Variants in PLIN4 observed in about 807,000 individuals in gnomAD.
PLIN4 encodes the protein perilipin 4, also known as perilipin-4.
A neutral mutation model predicts 52.4 loss-of-function variants in PLIN4; 57 were observed. The observed-to-expected ratio is 1.09, with a 90% CI of 0.88 to 1.36. The LOEUF is 1.36. Among genes scored for constraint, PLIN4 ranks in the 40% most tolerant of loss-of-function variants. PLIN4 has a pLI of 0.00. For synonymous variants in PLIN4, 826 were observed against 785.4 expected, an observed-to-expected ratio of 1.05 and a Z score of -0.86; for missense variants, 1,757 against 1,770.3, an observed-to-expected ratio of 0.99 and a Z score of 0.13.
In PLIN4 at chr19:4,512,583, C is replaced by G; in HGVS notation, c.1377G>C (p.Lys459Asn). ...TGTCCTTGGTACCAGTTAGAACGAT[C>G]TTGGTGGTGTCCACGCCTGTCTGGA... Reference protein sequence around the residue: ...GTIQTGVDTTKIVLTGTKDTV... With the variant: ...GTIQTGVDTTNIVLTGTKDTV... Residue 459 changes from lysine (K) to asparagine (N), a missense_variant, in exon 5 of 8, where the codon AAG becomes AAC. Lys to Asn is a moderately conservative substitution (Grantham distance 94). Around this residue, in one of 7 missense-constraint regions of PLIN4, gnomAD observed 439 missense variants for 406.4 expected, o/e 1.08. Coordinates refer to ENST00000301286, the MANE Select transcript of PLIN4 (RefSeq NM_001367868.2). 3 of 1,610,446 alleles carry G rather than the reference C, an allele frequency of 1.9e-6. No homozygotes were observed. In the South Asian group the frequency reaches 3.3e-5, roughly 18 times the overall value.
At position 4,512,521 on chromosome 19, in the gene PLIN4, G is replaced by A; in HGVS notation, c.1439C>T (p.Ala480Val). ...CSGVTGAANV[A>V]KGAVQGGLDT... The stretch of plus-strand genomic sequence containing the variant: ...CAGGCCGCCCTGGACGGCCCCTTTG[G>A]CCACATTCGCAGCACCGGTGACCCC... Residue 480 changes from alanine to valine, a missense_variant, in exon 5 of 8, where the codon GCC (alanine) becomes GTC (valine). Ala to Val is a moderately conservative substitution (Grantham distance 64). This residue lies in a region of PLIN4 where 439 missense variants were observed against 406.4 expected (regional missense o/e 1.08). Coordinates refer to ENST00000301286, the MANE Select transcript of PLIN4 (RefSeq NM_001367868.2). The A allele has an allele frequency of 6.2e-7, 1 of 1,609,442 alleles. No homozygotes were observed. Among genetic ancestry groups the A allele is most frequent in the Non-Finnish European group, 8.5e-7 (1 of 1,177,396 alleles).
rs867397341 is a variant in PLIN4, at chr19:4,512,084, C to T, written c.1876G>A (p.Val626Ile). The change falls in exon 5 of 8, where the codon GTC becomes ATC. Residue 626 changes from valine to isoleucine, a missense_variant. Val to Ile is a conservative substitution (Grantham distance 29). Transcript: ENST00000301286. ...VQTGMDTTKTVLTGTKDTIYS... is the reference protein window; with the variant it reads ...VQTGMDTTKTILTGTKDTIYS... ...ATGGTGTCCTTGGTACCGGTTAGGA[C>T]AGTTTTGGTGGTGTCCATGCCTGTC... The T allele has an allele frequency of 6.2e-7, 1 of 1,610,062 alleles. No individual in the cohort carries two copies. The highest frequency in any genetic ancestry group is 8.5e-7 in the Non-Finnish European group (1 of 1,179,316).
intron 3 of PLIN4, 75 bp downstream of exon 3, chr19:4,517,479 C>T: frequency 6.6e-7 from 1 of 1,515,526 alleles, no homozygotes; most frequent in Non-Finnish European, 8.9e-7. Flanking sequence ...GGCTGGAAGT[C>T]CCTGCCCGGG....
rs78048917 is a variant in PLIN4 at position 4,516,882 on chromosome 19, G to A, written c.197-204C>T. On this transcript the variant is annotated intron_variant, in intron 3 of 7. Transcript: ENST00000301286. ...CCGCTGGGGGCTCCCCCCAAGCCCA[G>A]GGCCGCTGTTCCCTGAAGTAGGGCT... 3.7e-3 allele frequency among the ~76,000 whole-genome samples: 567 copies of A among 152,340 alleles called. 4 individuals are homozygous for A. In the Middle Eastern group the frequency reaches 0.065, roughly 17 times the overall value.
In PLIN4 at chr19:4,508,776, AG is replaced by A; in HGVS notation, c.3693del (p.Phe1232SerfsTer3). On this transcript the variant is annotated frameshift_variant, in exon 6 of 8. Transcript: ENST00000301286. LOFTEE classifies it high-confidence loss of function. ...ARDTLAQLQDCFRLIEKAQQA... is the reference protein window; with the variant it reads ...ARDTLAQLQDXFRLIEKAQQA... ...CAGGGGGAAGCTCTTACCAGCCTGA[AG>A]CAGTCCTGGAGCTGGGCCAGAGTGT... 6.3e-7 allele frequency: 1 copy of A among 1,583,306 alleles called. No individual in the cohort carries two copies. The highest frequency in any genetic ancestry group is 8.6e-7 in the Non-Finnish European group (1 of 1,165,366).
At position 4,504,298 on chromosome 19, in the gene PLIN4, G is replaced by A. The variant is rs1034454948; in HGVS notation, c.*161C>T. The A allele has an allele frequency of 4.2e-6, 3 of 719,828 alleles. No homozygotes were observed. The highest frequency in any genetic ancestry group is 1.8e-5 in the African/African-American group (1 of 56,050). 44.6% of individuals were successfully genotyped at this position (719,828 alleles called of 1,614,324 possible). ...GGCGTGGGGTGGCTCAGTTAAGAAG[G>A]TCACTGCCTCCGCAGCCCCTCGGCG... On this transcript the variant is annotated 3_prime_UTR_variant, in exon 8 of 8. Transcript: ENST00000301286.
In PLIN4 at chr19:4,513,270, C is replaced by T; in HGVS notation, c.690G>A (p.Val230=). ...ACACAGCATCTTTGGTGCCGGTCAG[C>T]ACAGCCTTGGAGGTTTCCACGCCAG... The part of the protein sequence containing the change: ...VQTGVETSKA[V]LTGTKDAVST... Residue 230 remains valine, a synonymous_variant, in exon 5 of 8, where the codon GTG becomes GTA. Coordinates refer to ENST00000301286, the MANE Select transcript of PLIN4 (RefSeq NM_001367868.2). 1 of 1,613,026 alleles carries T rather than the reference C, an allele frequency of 6.2e-7. No individual in the cohort carries two copies. Among genetic ancestry groups the T allele is most frequent in the Non-Finnish European group, 8.5e-7 (1 of 1,179,668 alleles).
intron 5 of PLIN4, among the ~76,000 whole-genome samples, 197 bp from the exon 6 acceptor site, chr19:4,509,152 A>G (rs1037827219): frequency 2.0e-5 from 3 of 151,588 alleles, no homozygotes; most frequent in Middle Eastern, 3.4e-3. Context: ...TACTAAAAAA[A>G]TACAAAAAAT....
intron 4 of PLIN4, among the ~76,000 whole-genome samples, chr19:4,516,123 T>G (rs559063107): frequency 8.8e-4 from 134 of 152,154 alleles, no homozygotes; most frequent in African/African-American, 2.3e-3. Context: ...CTACTAAAAA[T>G]ACAAAAATTA....
rs552013212 is a variant in PLIN4 at position 4,518,432 on chromosome 19, G to A, written c.-65C>T. 35 of 1,226,650 alleles carry A rather than the reference G, an allele frequency of 2.9e-5. No individual in the cohort carries two copies. Among genetic ancestry groups the A allele is most frequent in the South Asian group, 1.3e-4 (3 of 23,548 alleles). The allele number at this position is 1,226,650 out of a possible 1,614,324, so 76.0% of individuals were successfully genotyped here. A position where few individuals can be genotyped will look rare whatever the true frequency, so the allele number is the denominator to read the frequency against. ...GTGTCACCGAAGCAGACGCGGCCCC[G>A]CTCACCTGGACTGCGCGGGGTCCCC... is the stretch of plus-strand genomic sequence containing the variant. On this transcript the variant is annotated 5_prime_UTR_variant, in exon 1 of 8. Coordinates refer to ENST00000301286, the MANE Select transcript of PLIN4 (RefSeq NM_001367868.2).
chr19:4,503,687 T>G lies in PLIN4; in HGVS notation c.*772A>C, dbSNP rs1332408527. ...GAGCCCCAGGTGCCTGGGGCAGGCC[T>G]GTGGTGGGCAGCTGGAGGCAGCAGC... is the stretch of plus-strand genomic sequence containing the variant. On this transcript the variant is annotated 3_prime_UTR_variant, in exon 8 of 8. Coordinates refer to ENST00000301286, the MANE Select transcript of PLIN4 (RefSeq NM_001367868.2). The G allele has an allele frequency of 6.5e-6, 1 of 152,704 alleles. No homozygotes were observed. The highest frequency in any genetic ancestry group is 6.5e-5 in the Admixed American group (1 of 15,290). 9.5% of individuals were successfully genotyped at this position (152,704 alleles called of 1,614,324 possible). A position where few individuals can be genotyped will look rare whatever the true frequency, so the allele number is the denominator to read the frequency against.
chr19:4,512,964 A>G lies in PLIN4; in HGVS notation c.996T>C (p.Gly332=), dbSNP rs778594915. 8 of 659,968 alleles carry G rather than the reference A, an allele frequency of 1.2e-5. No individual in the cohort carries two copies. The highest frequency in any genetic ancestry group is 2.6e-5 in the East Asian group (1 of 38,406). The allele number at this position is 659,968 out of a possible 1,614,324, so 40.9% of individuals were successfully genotyped here. ...CCCCACTACAGACGGTGTCCTTGGT[A>G]CCTGTTAGGACAGTCTTACTGGTGT... The part of the protein sequence containing the change: ...GVDTSKTVLT[G]TKDTVCSGVT... The change falls in exon 5 of 8, where the codon GGT becomes GGC. Residue 332 remains glycine, a synonymous_variant. Coordinates refer to ENST00000301286, the MANE Select transcript of PLIN4 (RefSeq NM_001367868.2).
intron 4 of PLIN4, among the ~76,000 whole-genome samples, chr19:4,516,372 G>A (rs1487861025): frequency 6.6e-6 from 1 of 152,140 alleles, no homozygotes; most frequent in African/African-American, 2.4e-5. Context: ...GGAACCTTAC[G>A]TGATTAGAGT....
chr19:4,509,357 C>T (rs1448843614), intron 5 of PLIN4, among the ~76,000 whole-genome samples: 1 of 141,604 alleles, frequency 7.1e-6, no homozygotes, highest in Non-Finnish European at 1.5e-5. Flanking sequence ...TGGCTCACGC[C>T]CGTAATCACA....
chr19:4,518,328 C>T, intron 1 of PLIN4, 39 bp from the exon 2 acceptor site: 1 of 1,231,858 alleles, frequency 8.1e-7, no homozygotes, highest in South Asian at 4.1e-5. Flanking sequence ...TGGGGGTTCC[C>T]TAGCCTCCCA....
Position 4,510,897 on chromosome 19 carries a change from TGTCTTG to T in PLIN4, c.3057_3062del (p.Lys1020_Thr1021del). ...CTGCGTCTTTGGTTCCGGTCAGCAC[TGTCTTG>T]GTGGTGTCCAGGCCCCCCTGGACGG... is the stretch of plus-strand genomic sequence containing the variant. On this transcript the variant is annotated inframe_deletion, in exon 5 of 8. Transcript: ENST00000301286. 6.2e-7 allele frequency: 1 copy of T among 1,613,490 alleles called. No individual in the cohort carries two copies.
At position 4,512,564 on chromosome 19, in the gene PLIN4, T is replaced by C. The variant is rs1308354993; in HGVS notation, c.1396A>G (p.Lys466Glu). The C allele has an allele frequency of 3.1e-6, 5 of 1,610,970 alleles. No homozygotes were observed. Among genetic ancestry groups the C allele is most frequent in the Middle Eastern group, 1.7e-4 (1 of 6,032 alleles). ...GTGACCCCACTGCAGACAGTGTCCT[T>C]GGTACCAGTTAGAACGATCTTGGTG... ...DTTKIVLTGT[K>E]DTVCSGVTGA... Residue 466 changes from lysine to glutamate, a missense_variant, in exon 5 of 8, where the codon AAG becomes GAG. Lys to Glu is a moderately conservative substitution (Grantham distance 56, BLOSUM62 1). Coordinates refer to ENST00000301286, the MANE Select transcript of PLIN4 (RefSeq NM_001367868.2).
chr19:4,504,606 C>G lies in PLIN4; in HGVS notation c.3969G>C (p.Glu1323Asp), dbSNP rs1260131952. 6.2e-7 allele frequency: 1 copy of G among 1,604,334 alleles called. No homozygotes were observed. Among genetic ancestry groups the G allele is most frequent in the African/African-American group, 1.3e-5 (1 of 74,948 alleles). ...GCACCAGCCGCTCTGCGGGCAGCTC[C>G]TCTACAGAGCCAGCTGAGGCCACGA... ...YGIVASAGSVEELPAERLVQS... is the reference protein window; with the variant it reads ...YGIVASAGSVDELPAERLVQS... Residue 1323 changes from glutamate (E) to aspartate (D), a missense_variant, in exon 8 of 8, where the codon GAG becomes GAC. By Grantham distance (45) the Glu-to-Asp change is conservative. Coordinates refer to ENST00000301286, the MANE Select transcript of PLIN4 (RefSeq NM_001367868.2).
rs746835247 is a variant in PLIN4, at chr19:4,510,849, T to G, written c.3111A>C (p.Ser1037=). The G allele has an allele frequency of 8.1e-6, 13 of 1,612,980 alleles. No individual in the cohort carries two copies. The highest frequency in any genetic ancestry group is 1.1e-5 in the Non-Finnish European group (13 of 1,179,454). ...KDAVSAGLMG[S]GNVATGATHT... Reference sequence around the variant, plus strand: ...GGGTGGCCCCTGTCGCCACGTTCCCTGACCCCATGAGCCCAGCGGACACTG... The same window carrying G: ...GGGTGGCCCCTGTCGCCACGTTCCCGGACCCCATGAGCCCAGCGGACACTG... Residue 1037 remains serine (S), a synonymous_variant, in exon 5 of 8, where the codon TCA becomes TCC. Coordinates refer to ENST00000301286, the MANE Select transcript of PLIN4 (RefSeq NM_001367868.2).
Sources: allele counts gnomAD v4.1 joint callset (sites outside exome capture counted in the v4.1 genomes callset), GRCh38; gene constraint gnomAD v4.1.1; regional missense constraint gnomAD v4.1.1; transcripts MANE v1.5; gene names NCBI Gene and HGNC (gene_info 2026-07-23, HGNC 2026-07-21).